CDC14B: variants seen among roughly 807,000 people sequenced by gnomAD.
The protein encoded by CDC14B is dual specificity protein phosphatase CDC14B.
A neutral mutation model predicts 64.2 loss-of-function variants in CDC14B; 22 were observed. The ratio of observed to expected loss-of-function variants is 0.34; its 90% CI spans 0.24 to 0.49. The LOEUF (loss-of-function observed/expected upper bound fraction) is 0.49, where lower values mean the gene tolerates loss of function less well. CDC14B is among the 20% of genes least tolerant of loss of function. The probability of loss-of-function intolerance (pLI) is 0.99; values close to 1 mark genes in which losing one functional copy is unlikely to be tolerated. For synonymous variants in CDC14B, 191 were observed against 215.8 expected, an observed-to-expected ratio of 0.89 and a Z score of 1.01; for missense variants, 498 against 629.9, an observed-to-expected ratio of 0.79 and a Z score of 2.24.
chr9:96,585,167 CTGT>C (rs939606000), intron 1 of CDC14B, among the ~76,000 whole-genome samples: 3 of 151,308 alleles, frequency 2.0e-5, no homozygotes, highest in Non-Finnish European at 4.4e-5. Context: ...GCCAATTGCA[CTGT>C]TGTTGTTTAT....
At chr9:96,608,912 C>G (rs971988798) in intron 1 of CDC14B, among the ~76,000 whole-genome samples, 4 of 151,888 alleles carry the variant, frequency 2.6e-5, no homozygotes, top group Non-Finnish European at 5.9e-5. Flanking sequence ...CACACACACA[C>G]ACACACACAC....
chr9:96,562,589 A>G, intron 4 of CDC14B, 104 bp downstream of exon 4: 1 of 806,380 alleles, frequency 1.2e-6, no homozygotes, highest in Non-Finnish European at 2.1e-6. Context: ...GTTCTTTCTG[A>G]AGAGAAATCA....
intron 1 of CDC14B, among the ~76,000 whole-genome samples, chr9:96,582,345 T>G (rs1845206753): frequency 6.6e-6 from 1 of 152,238 alleles, no homozygotes; most frequent in Non-Finnish European, 1.5e-5. Flanking sequence ...TGCCCTGGCA[T>G]GCTTATACTG....
chr9:96,599,522 G>C (rs1024036818), intron 1 of CDC14B, among the ~76,000 whole-genome samples: 12 of 152,152 alleles, frequency 7.9e-5, no homozygotes, highest in African/African-American at 2.4e-4. Flanking sequence ...AATTCAAAGA[G>C]AATCTGTTTA....
At chr9:96,509,872 T>C (rs963671276) in intron 12 of CDC14B, 83 bp from the exon 13 acceptor site, 8 of 806,808 alleles carry the variant, frequency 9.9e-6, no homozygotes, top group African/African-American at 5.2e-5. Flanking sequence ...TTTTGCACTT[T>C]AGTGCAAATT....
chr9:96,568,502 T>C (rs1403687529), intron 1 of CDC14B, among the ~76,000 whole-genome samples: 2 of 152,144 alleles, frequency 1.3e-5, no homozygotes, highest in Non-Finnish European at 2.9e-5. Flanking sequence ...TTGGATAAGG[T>C]GCTGCAGTGT....
Position 96,523,646 on chromosome 9 carries a change from C to G in CDC14B, c.1026G>C (p.Ala342=). ...HYRMTAAETI[A]WVRICRPGSV... ...AGCCAGGTCTGCAGATCCTGACCCA[C>G]GCAATGGTCTCGGCTGCTGTCATCC... The change falls in exon 10 of 14, where the codon GCG becomes GCC. Residue 342 remains alanine (A), a synonymous_variant. Coordinates refer to ENST00000375241, the MANE Select transcript of CDC14B (RefSeq NM_033331.4). 1 of 1,614,186 alleles carries G rather than the reference C, an allele frequency of 6.2e-7. No individual in the cohort carries two copies. The highest frequency in any genetic ancestry group is 2.2e-5 in the East Asian group (1 of 44,882).
intron 5 of CDC14B, among the ~76,000 whole-genome samples, chr9:96,550,298 C>T (rs1841612721): frequency 6.6e-6 from 1 of 152,242 alleles, no homozygotes; most frequent in South Asian, 2.1e-4. Flanking sequence ...CAAGCCAATT[C>T]TAATTTGCTC....
chr9:96,571,726 G>A (rs544338216), intron 1 of CDC14B, among the ~76,000 whole-genome samples: 22 of 152,160 alleles, frequency 1.4e-4, no homozygotes, highest in African/African-American at 5.1e-4. Flanking sequence ...TATATGCTGG[G>A]CGCTGTGGAC....
rs1299972864 is a variant in CDC14B, at chr9:96,505,263, C to T, written c.1461-1474G>A. 6.6e-5 allele frequency among the ~76,000 whole-genome samples: 10 copies of T among 151,580 alleles called. No homozygotes were observed. In the East Asian group the frequency reaches 9.7e-4, roughly 15 times the overall value. On this transcript the variant is annotated intron_variant, in intron 13 of 13. Transcript: ENST00000375241. Reference sequence around the variant, plus strand: ...CCCCCACAATATGAAGAATTAGGTACAAAGCACTCCAGAGCCCCGGACCTT... The same window carrying T: ...CCCCCACAATATGAAGAATTAGGTATAAAGCACTCCAGAGCCCCGGACCTT...
intron 9 of CDC14B, 44 bp downstream of exon 9, chr9:96,533,883 T>C: frequency 8.2e-7 from 1 of 1,215,902 alleles, no homozygotes; most frequent in Non-Finnish European, 1.2e-6. Flanking sequence ...CATATTCATA[T>C]ACTCATACTG....
chr9:96,496,969 C>T (rs10761086), downstream of CDC14B, among the ~76,000 whole-genome samples: 25,359 of 152,252 alleles, frequency 0.17, 2,193 homozygotes, highest in Middle Eastern at 0.19. Flanking sequence ...GGTGCCAGGA[C>T]GCCAGACACG....
intron 1 of CDC14B, among the ~76,000 whole-genome samples, chr9:96,580,574 G>T (rs532270281): frequency 1.3e-5 from 2 of 152,216 alleles, no homozygotes; most frequent in East Asian, 3.9e-4. Context: ...TAAATTGATG[G>T]GGGCGTTCTG....
chr9:96,596,797 T>C (rs570525440), intron 1 of CDC14B, among the ~76,000 whole-genome samples: 175 of 151,476 alleles, frequency 1.2e-3, no homozygotes, highest in African/African-American at 4.0e-3. Flanking sequence ...AGGTCAAGGC[T>C]GCAGTGGGCT....
chr9:96,618,132 C>T (rs1847753609), intron 1 of CDC14B, among the ~76,000 whole-genome samples: 1 of 152,180 alleles, frequency 6.6e-6, no homozygotes, highest in South Asian at 2.1e-4. Flanking sequence ...TCCAGATTGT[C>T]CATGAACCTA....
rs199645369 is a variant in CDC14B at position 96,494,885 on chromosome 9, AGTGCAGTGGCGC to A, written c.*80+1310_*80+1321del. Among the ~76,000 whole-genome samples, 9 of 147,816 alleles carry A rather than the reference AGTGCAGTGGCGC, an allele frequency of 6.1e-5. No homozygotes were observed. The East Asian group carries it at 1.9e-3, about 31-fold the overall frequency. ...AGTCTCGCTCTGTCGCCCAGGCTGC[AGTGCAGTGGCGC>A]GATCTCGGCTCACTGCAAGCTCTGT... On this transcript the variant is annotated intron_variant and NMD_transcript_variant, in intron 13 of 13. Transcript: ENST00000474602.
At chr9:96,510,325 T>C (rs925151678) in intron 12 of CDC14B, among the ~76,000 whole-genome samples, 3 of 152,196 alleles carry the variant, frequency 2.0e-5, no homozygotes, top group Non-Finnish European at 4.4e-5. Context: ...GAATTATATA[T>C]AACACTTACT....
chr9:96,509,529 CAAGGA>C, intron 13 of CDC14B, 139 bp downstream of exon 13: 4 of 684,110 alleles, frequency 5.8e-6, no homozygotes, highest in Non-Finnish European at 1.0e-5. Context: ...AGATAATGAA[CAAGGA>C]ATACACATTT....
At chr9:96,530,877 T>C (rs1838359409) in intron 9 of CDC14B, among the ~76,000 whole-genome samples, 1 of 152,182 alleles carries the variant, frequency 6.6e-6, no homozygotes, top group Admixed American at 6.5e-5. Context: ...CACAAAAGGG[T>C]AATGACTTTT....
Sources: allele counts gnomAD v4.1 joint callset (sites outside exome capture counted in the v4.1 genomes callset), GRCh38; gene constraint gnomAD v4.1.1; transcripts MANE v1.5; gene names NCBI Gene and HGNC (gene_info 2026-07-23, HGNC 2026-07-21).